Variants in AGT observed in about 807,000 individuals in gnomAD.
AGT encodes the protein angiotensinogen.
Under a neutral mutation model 28.1 loss-of-function variants are expected in AGT, and 26 were observed. That is an observed-to-expected ratio of 0.92 (90% confidence interval 0.68 to 1.28). The LOEUF is 1.28. Ranked by LOEUF, AGT falls within the 50% of genes most tolerant of loss-of-function variation. The pLI, the probability that AGT is intolerant of heterozygous loss-of-function variation, is 0.00. For missense variants in AGT, 596 were observed against 592.3 expected (o/e 1.01, Z -0.06); for synonymous variants, 259 against 259.6 (o/e 1.00, Z 0.02).
At chr1:230,736,948 T>A (rs1347201666) in intron 1 of AGT, among the ~76,000 whole-genome samples, 1 of 152,160 alleles carries the variant, frequency 6.6e-6, no homozygotes, top group East Asian at 1.9e-4. Flanking sequence ...GAAAGCTCTG[T>A]TCTCCTTGGG....
intron 4 of AGT, 147 bp from the exon 5 acceptor site, chr1:230,703,476 C>T (rs950212775): frequency 3.8e-5 from 31 of 820,604 alleles, no homozygotes; most frequent in Non-Finnish European, 5.7e-5. Context: ...GGAGGATGCA[C>T]AGTGTATGCC....
At chr1:230,708,157 C>T (rs1351773035) in intron 2 of AGT, among the ~76,000 whole-genome samples, 4 of 152,220 alleles carry the variant, frequency 2.6e-5, no homozygotes, top group African/African-American at 9.6e-5. Flanking sequence ...GGGGCAGGGT[C>T]AGGGCAGCAT....
intron 4 of AGT, among the ~76,000 whole-genome samples, chr1:230,703,728 C>A (rs1344977314): frequency 6.6e-6 from 1 of 152,198 alleles, no homozygotes; most frequent in Non-Finnish European, 1.5e-5. Context: ...CCCACTTTCT[C>A]CCCAGCACTG....
At chr1:230,724,894 A>G (rs367632865) in intron 1 of AGT, among the ~76,000 whole-genome samples, 1 of 152,190 alleles carries the variant, frequency 6.6e-6, no homozygotes, top group Non-Finnish European at 1.5e-5. Context: ...GAGACATTGG[A>G]CTTGACTACA....
chr1:230,735,548 G>A (rs998241892), intron 1 of AGT, among the ~76,000 whole-genome samples: 1 of 152,186 alleles, frequency 6.6e-6, no homozygotes, highest in Non-Finnish European at 1.5e-5. Flanking sequence ...CTTGGAGGAG[G>A]CCTGCCCCTG....
chr1:230,727,761 C>T (rs773619683), intron 1 of AGT, among the ~76,000 whole-genome samples: 3 of 152,188 alleles, frequency 2.0e-5, no homozygotes, highest in Non-Finnish European at 2.9e-5. Flanking sequence ...AAGGTACTGA[C>T]ATGGGAGACA....
intron 1 of AGT, among the ~76,000 whole-genome samples, chr1:230,726,673 T>C (rs1663949200): frequency 1.3e-5 from 2 of 152,190 alleles, no homozygotes; most frequent in Admixed American, 1.3e-4. Flanking sequence ...AATGGGTGAA[T>C]GAATCTCTTC....
intron 1 of AGT, among the ~76,000 whole-genome samples, chr1:230,737,027 T>C (rs968197697): frequency 6.6e-6 from 1 of 152,192 alleles, no homozygotes; most frequent in Admixed American, 6.5e-5. Context: ...GTTTGAACGC[T>C]GAAGACAGCT....
rs183614339 is a variant in AGT, at chr1:230,708,365, G to A, written c.829+1630C>T. ...TGCAGGACCCTCCTTCTCAGTGAGC[G>A]CTCCTCCCAGCACTTCTCCTAGGGA... On this transcript the variant is annotated intron_variant, in intron 2 of 4. Coordinates refer to ENST00000366667, the MANE Select transcript of AGT (RefSeq NM_001384479.1). Among the ~76,000 whole-genome samples, 6 of 152,230 alleles carry A rather than the reference G, an allele frequency of 3.9e-5. No individual in the cohort carries two copies. The East Asian group carries it at 9.7e-4, about 25-fold the overall frequency.
chr1:230,729,936 T>C (rs922459805), intron 1 of AGT, among the ~76,000 whole-genome samples: 4 of 151,324 alleles, frequency 2.6e-5, no homozygotes, highest in Non-Finnish European at 5.9e-5. Flanking sequence ...CCGAGGCAGG[T>C]GGATCACGAG....
At chr1:230,728,620 G>A (rs1368736023) in intron 1 of AGT, among the ~76,000 whole-genome samples, 1 of 152,168 alleles carries the variant, frequency 6.6e-6, no homozygotes, top group African/African-American at 2.4e-5. Flanking sequence ...ATAAAATGCT[G>A]CCACTTACTG....
intron 1 of AGT, among the ~76,000 whole-genome samples, chr1:230,742,710 C>T (rs1426776282): frequency 1.3e-5 from 2 of 152,174 alleles, no homozygotes; most frequent in Non-Finnish European, 2.9e-5. Context: ...TACACTGTTC[C>T]ACTTCATGAT....
Position 230,709,976 on chromosome 1 carries a change from G to C in AGT, c.829+19C>G. ...ATACTAAGTCCTAGGGCCAGAGCCAGCAGAGAGGTTTGCCTTACCTTGGAA... is the reference window on the plus strand; with the variant it reads ...ATACTAAGTCCTAGGGCCAGAGCCACCAGAGAGGTTTGCCTTACCTTGGAA... On this transcript the variant is annotated intron_variant, in intron 2 of 4. Transcript: ENST00000366667. The C allele has an allele frequency of 6.2e-7, 1 of 1,614,134 alleles. No individual in the cohort carries two copies. The highest frequency in any genetic ancestry group is 8.5e-7 in the Non-Finnish European group (1 of 1,180,024).
upstream of AGT, among the ~76,000 whole-genome samples, chr1:230,716,870 G>A (rs1438447663): frequency 6.6e-6 from 1 of 151,896 alleles, no homozygotes; most frequent in Non-Finnish European, 1.5e-5. Flanking sequence ...AGTCAGCAGA[G>A]CATGATGTAT....
chr1:230,710,158 G>T lies in AGT; in HGVS notation c.666C>A (p.Thr222=), dbSNP rs778634473. The T allele has an allele frequency of 6.2e-7, 1 of 1,614,074 alleles. No homozygotes were observed. The highest frequency in any genetic ancestry group is 8.5e-7 in the Non-Finnish European group (1 of 1,180,032). The stretch of plus-strand genomic sequence containing the variant: ...CCAGAGAGCGTGGGAGGACCACAGG[G>T]GTATAGAGAGCCAGGCCCTGCACAA... ...QPFVQGLALY[T]PVVLPRSLDF... The change falls in exon 2 of 5, where the codon ACC becomes ACA. Residue 222 remains threonine, a synonymous_variant. Coordinates refer to ENST00000366667, the MANE Select transcript of AGT (RefSeq NM_001384479.1).
intron 1 of AGT, among the ~76,000 whole-genome samples, chr1:230,713,085 C>T (rs3889728): frequency 0.24 from 37,116 of 152,088 alleles, 5,028 homozygotes; most frequent in East Asian, 0.52. Context: ...GCTTTCCCCA[C>T]CACACCGGGC....
intron 1 of AGT, among the ~76,000 whole-genome samples, chr1:230,739,137 C>T (rs1462707723): frequency 6.6e-6 from 1 of 151,458 alleles, no homozygotes. Flanking sequence ...GCAGGAGAAT[C>T]ATTTGAAGCT....
chr1:230,738,540 A>G (rs968396884), intron 1 of AGT, among the ~76,000 whole-genome samples: 1 of 152,228 alleles, frequency 6.6e-6, no homozygotes, highest in African/African-American at 2.4e-5. Context: ...AGTCATAAAA[A>G]TTGCTATGAC....
At chr1:230,740,167 A>T (rs1664221727) in intron 1 of AGT, among the ~76,000 whole-genome samples, 1 of 152,198 alleles carries the variant, frequency 6.6e-6, no homozygotes, top group South Asian at 2.1e-4. Context: ...AACTGTCATG[A>T]TGCAGGTGGG....
Sources: gnomAD v4.1 joint callset for allele counts (sites outside exome capture counted in the v4.1 genomes callset) on GRCh38, gnomAD v4.1.1 for gene constraint, MANE v1.5 for transcripts, NCBI Gene and HGNC (gene_info 2026-07-23, HGNC 2026-07-21) for gene names.